MYO3A: variants seen among roughly 807,000 people sequenced by gnomAD.
The protein encoded by MYO3A is myosin-IIIa.
MYO3A carries 180 observed loss-of-function variants against 192.7 expected under a neutral mutation model. The observed-to-expected ratio is 0.93, with a 90% confidence interval of 0.83 to 1.06. The LOEUF (loss-of-function observed/expected upper bound fraction) is 1.06. Among genes scored for constraint, MYO3A ranks in the 50% least tolerant of loss-of-function variants. The probability of loss-of-function intolerance (pLI) is 0.00; values close to 1 mark genes in which losing one functional copy is unlikely to be tolerated. For missense variants in MYO3A, 1,896 were observed against 1,905.0 expected, an observed-to-expected ratio of 1.00 and a Z score of 0.09; for synonymous variants, 628 against 645.3, an observed-to-expected ratio of 0.97 and a Z score of 0.41.
chr10:26,091,040 C>T (rs1215287919), intron 15 of MYO3A, among the ~76,000 whole-genome samples: 1 of 152,192 alleles, frequency 6.6e-6, no homozygotes, highest in Non-Finnish European at 1.5e-5. Flanking sequence ...CGCCTGTTTC[C>T]TGCCTGTGCT....
At chr10:26,059,678 C>T (rs974488535) in intron 10 of MYO3A, among the ~76,000 whole-genome samples, 3 of 152,188 alleles carry the variant, frequency 2.0e-5, no homozygotes, top group Non-Finnish European at 2.9e-5. Flanking sequence ...TGGCATTTGC[C>T]GTATACTTTG....
chr10:26,033,234 C>T (rs1206927259), intron 10 of MYO3A, among the ~76,000 whole-genome samples: 7 of 152,084 alleles, frequency 4.6e-5, no homozygotes, highest in South Asian at 2.1e-4. Flanking sequence ...CCACTGTGCC[C>T]GGCTAATTTT....
chr10:26,140,914 GTGTT>G (rs551758195), intron 20 of MYO3A, among the ~76,000 whole-genome samples: 6 of 152,040 alleles, frequency 3.9e-5, no homozygotes, highest in Middle Eastern at 3.4e-3. Context: ...AAATGTATAT[GTGTT>G]TGTTTGTTTG....
intron 20 of MYO3A, among the ~76,000 whole-genome samples, chr10:26,140,899 G>GAACAC: frequency 6.6e-6 from 1 of 152,168 alleles, no homozygotes; most frequent in Admixed American, 6.6e-5. Context: ...CTCACCTTAT[G>GAACAC]CTTTAAATGT....
intron 23 of MYO3A, among the ~76,000 whole-genome samples, chr10:26,153,091 G>A (rs1051627932): frequency 5.9e-5 from 9 of 152,322 alleles, no homozygotes; most frequent in African/African-American, 2.2e-4. Context: ...CTTCGATTGT[G>A]GGTTGGTTGG....
intron 31 of MYO3A, among the ~76,000 whole-genome samples, chr10:26,191,306 C>T (rs1843117027): frequency 1.3e-5 from 2 of 152,130 alleles, no homozygotes; most frequent in Non-Finnish European, 2.9e-5. Context: ...AGAATTCAGG[C>T]CTTACCATCT....
At chr10:26,088,087 G>C (rs1272515656) in intron 14 of MYO3A, 116 bp from the exon 15 acceptor site, 1 of 819,796 alleles carries the variant, frequency 1.2e-6, no homozygotes, top group Non-Finnish European at 1.9e-6. Context: ...AATATATCAG[G>C]AACATGCTTT....
chr10:26,016,972 C>A, intron 7 of MYO3A, 76 bp downstream of exon 7: 1 of 1,373,650 alleles, frequency 7.3e-7, no homozygotes, highest in Non-Finnish European at 1.0e-6. Context: ...TACTCTATCT[C>A]TGTAAGCATT....
At chr10:26,117,036 TTG>T (rs1838549951) in intron 17 of MYO3A, among the ~76,000 whole-genome samples, 1 of 152,210 alleles carries the variant, frequency 6.6e-6, no homozygotes, top group South Asian at 2.1e-4. Flanking sequence ...TGATATTTAG[TTG>T]TGATACTTGG....
At chr10:26,147,065 G>A (rs545028017) in intron 22 of MYO3A, among the ~76,000 whole-genome samples, 16 of 152,116 alleles carry the variant, frequency 1.1e-4, no homozygotes, top group African/African-American at 3.9e-4. Flanking sequence ...CAACACAGGT[G>A]GATCAATTAT....
intron 22 of MYO3A, among the ~76,000 whole-genome samples, chr10:26,146,806 T>C (rs914904095): frequency 1.3e-5 from 2 of 152,046 alleles, no homozygotes; most frequent in Non-Finnish European, 1.5e-5. Context: ...TTGGATAACA[T>C]TGATCTTTAA....
chr10:26,024,176 C>T, intron 9 of MYO3A, 89 bp downstream of exon 9: 2 of 1,227,796 alleles, frequency 1.6e-6, no homozygotes, highest in South Asian at 1.2e-5. Context: ...TGTTAAACAG[C>T]CCCAGAGATT....
At position 26,168,697 on chromosome 10, in the gene MYO3A, A is replaced by G; in HGVS notation, c.3112-15A>G. 1 of 1,609,318 alleles carries G rather than the reference A, an allele frequency of 6.2e-7. No individual in the cohort carries two copies. Among genetic ancestry groups the G allele is most frequent in the Non-Finnish European group, 8.5e-7 (1 of 1,177,054 alleles). On this transcript the variant is annotated splice_polypyrimidine_tract_variant and intron_variant, in intron 27 of 34. Coordinates refer to ENST00000642920, the MANE Select transcript of MYO3A (RefSeq NM_017433.5). ...TGTGTGCCATGGTTCTTTGTATTAT[A>G]TTTTAATTTTTCAGGTGTTCCTTAA...
chr10:25,976,222 G>A (rs576708850), intron 4 of MYO3A, among the ~76,000 whole-genome samples: 5 of 152,148 alleles, frequency 3.3e-5, no homozygotes, highest in Non-Finnish European at 7.4e-5. Context: ...CCTACCACAT[G>A]ATCCAGAAGT....
intron 26 of MYO3A, among the ~76,000 whole-genome samples, chr10:26,161,419 A>T (rs530871757): frequency 6.6e-6 from 1 of 152,212 alleles, no homozygotes; most frequent in African/African-American, 2.4e-5. Flanking sequence ...CAGCCACTTA[A>T]CTTGGCTCCA....
At chr10:26,004,187 T>C (rs1841030700) in intron 6 of MYO3A, among the ~76,000 whole-genome samples, 1 of 152,050 alleles carries the variant, frequency 6.6e-6, no homozygotes, top group African/African-American at 2.4e-5. Flanking sequence ...GAGAAGCACA[T>C]CCATGTAGGG....
intron 10 of MYO3A, among the ~76,000 whole-genome samples, chr10:26,050,407 T>C (rs11819181): frequency 0.16 from 24,762 of 152,246 alleles, 2,312 homozygotes; most frequent in Non-Finnish European, 0.21. Flanking sequence ...TTTCCTGTAA[T>C]GGTGTTTGTC....
chr10:26,002,713 A>G (rs1840918609), intron 6 of MYO3A, among the ~76,000 whole-genome samples: 1 of 152,174 alleles, frequency 6.6e-6, no homozygotes, highest in Non-Finnish European at 1.5e-5. Flanking sequence ...GGAGGAGGTA[A>G]TTGAAAAAGG....
At chr10:26,075,937 A>C (rs1199177207) in intron 14 of MYO3A, among the ~76,000 whole-genome samples, 2 of 151,652 alleles carry the variant, frequency 1.3e-5, no homozygotes, top group Admixed American at 1.3e-4. Context: ...TTACGATTGT[A>C]AATTGTGCTG....
Sources: gnomAD v4.1 joint callset for allele counts (sites outside exome capture counted in the v4.1 genomes callset) on GRCh38, gnomAD v4.1.1 for gene constraint, MANE v1.5 for transcripts, NCBI Gene and HGNC (gene_info 2026-07-23, HGNC 2026-07-21) for gene names.